Variants in GFRA2 observed in about 807,000 individuals in gnomAD.
The protein encoded by GFRA2 is GDNF family receptor alpha 2.
GFRA2 carries 17 observed loss-of-function variants against 48.3 expected under a neutral mutation model. The ratio of observed to expected loss-of-function variants is 0.35; its 90% CI spans 0.24 to 0.53. The LOEUF is 0.53. Among genes scored for constraint, GFRA2 ranks in the 20% least tolerant of loss-of-function variants. GFRA2 has a pLI of 0.93. For synonymous variants in GFRA2, 305 were observed against 257.2 expected (o/e 1.19, Z -1.78); for missense variants, 660 against 637.3 (o/e 1.04, Z -0.38).
Position 21,693,277 on chromosome 8 carries a change from C to A in GFRA2, c.*1G>T. On this transcript the variant is annotated 3_prime_UTR_variant, in exon 9 of 9. Coordinates refer to ENST00000524240, the MANE Select transcript of GFRA2 (RefSeq NM_001495.5). The stretch of plus-strand genomic sequence containing the variant: ...AAATATTCTGACTCGGTTCCCACAG[C>A]CTACAAGGCCAGTTTCAGCATCAGG... The A allele has an allele frequency of 6.2e-7, 1 of 1,608,278 alleles. No individual in the cohort carries two copies. Among genetic ancestry groups the A allele is most frequent in the Non-Finnish European group, 8.5e-7 (1 of 1,177,184 alleles).
rs189160616 is a variant in GFRA2 at position 21,742,584 on chromosome 8, G to T, written c.794+8004C>A. On this transcript the variant is annotated intron_variant, in intron 4 of 8. Coordinates refer to ENST00000524240, the MANE Select transcript of GFRA2 (RefSeq NM_001495.5). ...GCAAGGAGACAGTCCATGCCAGTGA[G>T]TGAAAGCAGAAATACTCAGGGAGCC... Among the ~76,000 whole-genome samples, 5 of 152,364 alleles carry T rather than the reference G, an allele frequency of 3.3e-5. No homozygotes were observed. In the East Asian group the frequency reaches 9.6e-4, roughly 29 times the overall value.
chr8:21,723,088 A>C (rs1803684804), intron 4 of GFRA2, among the ~76,000 whole-genome samples: 1 of 152,204 alleles, frequency 6.6e-6, no homozygotes, highest in Non-Finnish European at 1.5e-5. Context: ...GGTGCTTCTG[A>C]GAATTTGAAC....
At chr8:21,707,215 G>A (rs1364937166) in intron 4 of GFRA2, among the ~76,000 whole-genome samples, 1 of 152,210 alleles carries the variant, frequency 6.6e-6, no homozygotes, top group Non-Finnish European at 1.5e-5. Flanking sequence ...GGATGGACCA[G>A]AACCCAGGTC....
chr8:21,728,656 C>T (rs1393377551), intron 4 of GFRA2, among the ~76,000 whole-genome samples: 1 of 152,164 alleles, frequency 6.6e-6, no homozygotes, highest in East Asian at 1.9e-4. Flanking sequence ...GTGCAGGATG[C>T]ATGGACAATG....
At position 21,740,399 on chromosome 8, in the gene GFRA2, A is replaced by T. The variant is rs1804692544; in HGVS notation, c.794+10189T>A. 1.3e-5 allele frequency among the ~76,000 whole-genome samples: 2 copies of T among 152,148 alleles called. 1 individual carries two copies. Among genetic ancestry groups the T allele is most frequent in the Admixed American group, 1.3e-4 (2 of 15,288 alleles). ...CTCTAGCCCCGATCAGGTTTCCGTA[A>T]TCACCAATCCATCAAAACTTCTGTG... is the stretch of plus-strand genomic sequence containing the variant. On this transcript the variant is annotated intron_variant, in intron 4 of 8. Coordinates refer to ENST00000524240, the MANE Select transcript of GFRA2 (RefSeq NM_001495.5).
intron 4 of GFRA2, among the ~76,000 whole-genome samples, chr8:21,708,796 C>A: frequency 6.6e-6 from 1 of 152,192 alleles, no homozygotes; most frequent in Non-Finnish European, 1.5e-5. Context: ...ATGCAACAGA[C>A]TCCCTTTCAG....
chr8:21,754,744 G>A (rs973127249), intron 3 of GFRA2, among the ~76,000 whole-genome samples: 2 of 152,052 alleles, frequency 1.3e-5, no homozygotes, highest in African/African-American at 4.8e-5. Flanking sequence ...CATGACCTCA[G>A]GTGATCCGCC....
intron 3 of GFRA2, among the ~76,000 whole-genome samples, chr8:21,756,797 C>T (rs542101111): frequency 1.3e-5 from 2 of 152,290 alleles, no homozygotes; most frequent in Admixed American, 1.3e-4. Flanking sequence ...CCCCGATCCC[C>T]TGCACTGAGA....
In GFRA2 at chr8:21,750,817, T is replaced by C; in HGVS notation, c.565A>G (p.Ile189Val). 6.2e-7 allele frequency: 1 copy of C among 1,613,956 alleles called. No individual in the cohort carries two copies. The highest frequency in any genetic ancestry group is 8.5e-7 in the Non-Finnish European group (1 of 1,179,876). ...CGGTTGCAGCGCTCGGTGGGCGAGA[T>C]CTCGCGGTTGCAGATGGAGATGTAG... ...SSYISICNREISPTERCNRRK... is the reference protein window; with the variant it reads ...SSYISICNREVSPTERCNRRK... The change falls in exon 4 of 9, where the codon ATC (isoleucine) becomes GTC (valine). Residue 189 changes from isoleucine (I) to valine (V), a missense_variant. Transcript: ENST00000524240. The surrounding 1 kb of genome is among the most constrained non-coding windows in gnomAD (Gnocchi z 5.7).
At chr8:21,765,404 C>A (rs1806105562) in intron 3 of GFRA2, among the ~76,000 whole-genome samples, 1 of 152,070 alleles carries the variant, frequency 6.6e-6, no homozygotes, top group Non-Finnish European at 1.5e-5. Flanking sequence ...AGCCACTACA[C>A]CTGACCCACT....
chr8:21,714,354 T>C (rs527343778), intron 4 of GFRA2, among the ~76,000 whole-genome samples: 8 of 144,644 alleles, frequency 5.5e-5, no homozygotes, highest in African/African-American at 2.1e-4. Flanking sequence ...GTTCAAACAA[T>C]TCCTGTGCCT....
intron 1 of GFRA2, among the ~76,000 whole-genome samples, chr8:21,785,516 G>A (rs1268971506): frequency 6.6e-6 from 1 of 152,174 alleles, no homozygotes; most frequent in Non-Finnish European, 1.5e-5. Context: ...CCTAAATTAG[G>A]AGAAAACTTT....
chr8:21,759,980 G>A (rs1394167123), intron 3 of GFRA2, among the ~76,000 whole-genome samples: 4 of 151,764 alleles, frequency 2.6e-5, no homozygotes, highest in Non-Finnish European at 5.9e-5. Flanking sequence ...CTAAAATGGC[G>A]GGCAGGAATG....
chr8:21,757,073 C>G lies in GFRA2; in HGVS notation c.440-6131G>C, dbSNP rs554639262. On this transcript the variant is annotated intron_variant, in intron 3 of 8. Transcript: ENST00000524240. ...CTCCAGCTCCTGGCCCTAGGGGACA[C>G]TCTGGCTTCTTCATCTCCTCCCCTC... Among the ~76,000 whole-genome samples the G allele has an allele frequency of 2.6e-5, 4 of 152,352 alleles. No homozygotes were observed. In the East Asian group the frequency reaches 5.8e-4, roughly 22 times the overall value.
chr8:21,706,189 C>T (rs547091228), intron 4 of GFRA2, 148 bp from the exon 5 acceptor site: 6 of 639,618 alleles, frequency 9.4e-6, no homozygotes, highest in Non-Finnish European at 1.7e-5. Flanking sequence ...GTCGGGGGAA[C>T]CAAGTCTTTG....
In GFRA2 at chr8:21,808,925, ATAT is replaced by A. The variant is rs2117122634; in HGVS notation, c.-148+3303_-148+3305del. On this transcript the variant is annotated intron_variant, in intron 1 of 10. Coordinates refer to the GFRA2 transcript ENST00000517328. ...CAGTACAATTGCAAAGTGATTTCAC[ATAT>A]TATTTATTTCTACCTCTTTTTATCA... Among the ~76,000 whole-genome samples the A allele has an allele frequency of 2.0e-5, 3 of 152,388 alleles. No individual in the cohort carries two copies. In the East Asian group the frequency reaches 5.8e-4, roughly 29 times the overall value.
Position 21,750,710 on chromosome 8 carries a change from G to A in GFRA2, c.672C>T (p.Cys224=), listed in dbSNP as rs1289821125. 1 of 1,613,912 alleles carries A rather than the reference G, an allele frequency of 6.2e-7. No individual in the cohort carries two copies. Among genetic ancestry groups the A allele is most frequent in the Non-Finnish European group, 8.5e-7 (1 of 1,179,812 alleles). The change falls in exon 4 of 9, where the codon TGC becomes TGT. Residue 224 remains cysteine, a synonymous_variant. Coordinates refer to ENST00000524240, the MANE Select transcript of GFRA2 (RefSeq NM_001495.5). This position sits in a 1 kb window ranked among gnomAD's most constrained non-coding sequence, Gnocchi z 5.7. ...EYTYRMLFCS[C]QDQACAERRR... ...GGCGCTCAGCGCACGCCTGGTCTTG[G>A]CAGGAGCAGAAGAGCATGCGGTAGG...
intron 6 of GFRA2, 99 bp from the exon 7 acceptor site, chr8:21,703,076 TG>T: frequency 1.4e-6 from 1 of 736,528 alleles, no homozygotes; most frequent in Non-Finnish European, 2.1e-6. Context: ...CCCCCTTCCC[TG>T]GAATGGTCCA....
chr8:21,745,152 G>A lies in GFRA2; in HGVS notation c.794+5436C>T, dbSNP rs572504951. ...GCCTGCTAAATCTCACACGGGTGACGGACAAGGCCTGCCACGCAGTGTGCC... is the reference window on the plus strand; with the variant it reads ...GCCTGCTAAATCTCACACGGGTGACAGACAAGGCCTGCCACGCAGTGTGCC... On this transcript the variant is annotated intron_variant, in intron 4 of 8. Transcript: ENST00000524240. 5.2e-4 allele frequency among the ~76,000 whole-genome samples: 79 copies of A among 152,358 alleles called. 2 individuals are homozygous for A. The South Asian group carries it at 0.016, about 30-fold the overall frequency.
Sources: gnomAD v4.1 joint callset for allele counts (sites outside exome capture counted in the v4.1 genomes callset) on GRCh38, gnomAD v4.1.1 for gene constraint, Gnocchi (gnomAD v3.1) non-coding constraint, MANE v1.5 for transcripts, NCBI Gene and HGNC (gene_info 2026-07-23, HGNC 2026-07-21) for gene names.